PCDH7: variants seen among roughly 807,000 people sequenced by gnomAD.
PCDH7 encodes protocadherin 7.
Under a neutral mutation model 58.9 loss-of-function variants are expected in PCDH7, and 17 were observed. The ratio of observed to expected loss-of-function variants is 0.29; its 90% confidence interval spans 0.20 to 0.43. PCDH7 has a LOEUF of 0.43. Ranked by LOEUF, PCDH7 falls within the 20% of genes least tolerant of loss-of-function variation. The pLI is 1.00. For missense variants in PCDH7, 1,274 were observed against 1,441.0 expected, an observed-to-expected ratio of 0.88 and a Z score of 1.88; for synonymous variants, 664 against 616.4, an observed-to-expected ratio of 1.08 and a Z score of -1.14.
chr4:30,923,387 A>G (rs1375384934), intron 2 of PCDH7, among the ~76,000 whole-genome samples: 1 of 152,142 alleles, frequency 6.6e-6, no homozygotes, highest in Non-Finnish European at 1.5e-5. Context: ...ATGTACTTAC[A>G]TTTTACAAAA....
At chr4:30,754,554 A>G (rs530655292) in intron 1 of PCDH7, among the ~76,000 whole-genome samples, 1 of 152,300 alleles carries the variant, frequency 6.6e-6, no homozygotes, top group African/African-American at 2.4e-5. Flanking sequence ...TGGAAACAAT[A>G]AATCTTGTCA....
chr4:30,895,709 C>G (rs1405157767), intron 1 of PCDH7, among the ~76,000 whole-genome samples: 2 of 152,142 alleles, frequency 1.3e-5, no homozygotes, highest in Non-Finnish European at 2.9e-5. Context: ...CCCCCAAATA[C>G]AGGAACACTG....
intron 1 of PCDH7, among the ~76,000 whole-genome samples, chr4:30,861,016 A>C (rs1372204148): frequency 2.0e-5 from 3 of 152,206 alleles, no homozygotes; most frequent in African/African-American, 7.2e-5. Flanking sequence ...AAGAGTTTGC[A>C]TGGACATTTG....
chr4:31,015,758 TTTG>T (rs1353582744), intron 3 of PCDH7, among the ~76,000 whole-genome samples: 1 of 152,216 alleles, frequency 6.6e-6, no homozygotes, highest in East Asian at 1.9e-4. Context: ...AGTGACAATG[TTTG>T]TTTTCTTTGC....
chr4:31,043,933 A>G (rs1160617404), intron 3 of PCDH7, among the ~76,000 whole-genome samples: 2 of 152,124 alleles, frequency 1.3e-5, no homozygotes, highest in Admixed American at 6.6e-5. Flanking sequence ...AGTGTAAGGG[A>G]CTTAAAATTA....
intron 3 of PCDH7, among the ~76,000 whole-genome samples, chr4:31,122,146 C>T (rs1363009426): frequency 1.3e-5 from 2 of 152,054 alleles, no homozygotes; most frequent in African/African-American, 4.8e-5. Flanking sequence ...TATAACTCAT[C>T]AGATACTTCT....
chr4:31,113,143 T>G (rs931099841), intron 3 of PCDH7, among the ~76,000 whole-genome samples: 1 of 152,168 alleles, frequency 6.6e-6, no homozygotes, highest in African/African-American at 2.4e-5. Context: ...TATTGGAAAA[T>G]TTTTGAGTTG....
chr4:30,786,713 T>C, intron 1 of PCDH7: 3 of 973,148 alleles, frequency 3.1e-6, no homozygotes, highest in Non-Finnish European at 3.7e-6. Context: ...CATATATTTT[T>C]GTATTTTTTA....
intron 2 of PCDH7, among the ~76,000 whole-genome samples, chr4:30,936,338 T>C (rs1745335765): frequency 6.6e-6 from 1 of 152,004 alleles, no homozygotes; most frequent in South Asian, 2.1e-4. Flanking sequence ...TGGTAGCTTT[T>C]ATTATTTATT....
chr4:30,882,281 G>A (rs1214532841), intron 1 of PCDH7, among the ~76,000 whole-genome samples: 2 of 150,512 alleles, frequency 1.3e-5, no homozygotes, highest in Non-Finnish European at 2.9e-5. Flanking sequence ...CTTCTTCTTG[G>A]AGAAAGGGTC....
chr4:30,943,856 G>C (rs1039249095), intron 2 of PCDH7, among the ~76,000 whole-genome samples: 3 of 151,860 alleles, frequency 2.0e-5, no homozygotes, highest in African/African-American at 2.4e-5. Flanking sequence ...TTTACTGCAA[G>C]TTTGGTCTCT....
intron 3 of PCDH7, among the ~76,000 whole-genome samples, chr4:31,056,441 G>GGAAAGAAA (rs1358060572): frequency 2.5e-5 from 1 of 39,314 alleles, no homozygotes; most frequent in South Asian, 1.5e-3. Flanking sequence ...AAAGAAAGAA[G>GGAAAGAAA]GAAAGAAAGA....
At chr4:30,753,872 A>G (rs796260394) in intron 1 of PCDH7, among the ~76,000 whole-genome samples, 34 of 152,332 alleles carry the variant, frequency 2.2e-4, no homozygotes, top group African/African-American at 7.5e-4. Flanking sequence ...ATATTGGAAG[A>G]GAAAAACATT....
At chr4:30,853,002 A>C (rs1029492829) in intron 1 of PCDH7, among the ~76,000 whole-genome samples, 6 of 151,954 alleles carry the variant, frequency 3.9e-5, no homozygotes, top group African/African-American at 1.4e-4. Flanking sequence ...CTGGAGTGCT[A>C]CCTTGAGAAG....
At chr4:30,732,289 G>A (rs1296524223) in exon 2 of PCDH7, 1 of 152,102 alleles carries the variant, frequency 6.6e-6, no homozygotes, top group African/African-American at 2.4e-5. Flanking sequence ...ACCAATCTCT[G>A]CTTCTTGAAA....
chr4:30,774,323 A>G (rs1272793966), intron 1 of PCDH7, among the ~76,000 whole-genome samples: 3 of 152,194 alleles, frequency 2.0e-5, no homozygotes, highest in African/African-American at 7.2e-5. Flanking sequence ...AACCAAAACC[A>G]CACTCCATGC....
chr4:30,970,241 G>A (rs1749434059), intron 3 of PCDH7, among the ~76,000 whole-genome samples: 1 of 151,730 alleles, frequency 6.6e-6, no homozygotes, highest in Admixed American at 6.6e-5. Flanking sequence ...GTGTGACAAA[G>A]TGATAGTTTT....
intron 1 of PCDH7, among the ~76,000 whole-genome samples, chr4:30,795,079 A>G (rs1475782738): frequency 6.6e-6 from 1 of 152,324 alleles, no homozygotes; most frequent in East Asian, 1.9e-4. Flanking sequence ...CGAATTATTT[A>G]GAGCACCGAT....
chr4:30,927,653 A>G (rs1324515017), intron 2 of PCDH7, among the ~76,000 whole-genome samples: 1 of 152,110 alleles, frequency 6.6e-6, no homozygotes, highest in Admixed American at 6.5e-5. Context: ...AGATGCTTGA[A>G]GGCAGCATGC....
Sources: gnomAD v4.1 joint callset for allele counts (sites outside exome capture counted in the v4.1 genomes callset) on GRCh38, gnomAD v4.1.1 for gene constraint, MANE v1.5 for transcripts, NCBI Gene and HGNC (gene_info 2026-07-23, HGNC 2026-07-21) for gene names.